Variants in PIGV observed in about 807,000 individuals in gnomAD.
The protein encoded by PIGV is phosphatidylinositol glycan anchor biosynthesis class V.
A neutral mutation model predicts 39.2 loss-of-function variants in PIGV; 27 were observed. The ratio of observed to expected loss-of-function variants is 0.69; its 90% CI spans 0.51 to 0.95. PIGV has a LOEUF of 0.95. Ranked by LOEUF, PIGV falls within the 40% of genes least tolerant of loss-of-function variation. PIGV has a pLI of 0.00. For missense variants in PIGV, 523 were observed against 586.4 expected (o/e 0.89, Z 1.12); for synonymous variants, 232 against 241.7 (o/e 0.96, Z 0.37).
chr1:26,794,970 G>T lies in PIGV; in HGVS notation c.936G>T (p.Trp312Cys), dbSNP rs1162224599. Reference protein sequence around the residue: ...LIYSYIQDVYWNVGFLKYYEL... With the variant: ...LIYSYIQDVYCNVGFLKYYEL... ...ACAGCTATATCCAGGATGTCTACTG[G>T]AATGTTGGCTTTTTGAAATACTATG... Residue 312 changes from tryptophan to cysteine, a missense_variant, in exon 3 of 4, where the codon TGG becomes TGT. By Grantham distance (215) the Trp-to-Cys change is radical. Coordinates refer to ENST00000674202, the MANE Select transcript of PIGV (RefSeq NM_017837.4). 2.5e-6 allele frequency: 4 copies of T among 1,614,050 alleles called. No individual in the cohort carries two copies. Among genetic ancestry groups the T allele is most frequent in the Middle Eastern group, 1.6e-4 (1 of 6,084 alleles).
intron 2 of PIGV, among the ~76,000 whole-genome samples, chr1:26,792,190 C>T (rs920017804): frequency 2.6e-5 from 4 of 151,944 alleles, no homozygotes; most frequent in African/African-American, 2.4e-5. Flanking sequence ...CTCGCCCTGT[C>T]CCCCCAGGCT....
In PIGV at chr1:26,800,360, G is replaced by A. The variant is rs2081435697; in HGVS notation, c.*2516G>A. On this transcript the variant is annotated 3_prime_UTR_variant, in exon 4 of 4. Coordinates refer to ENST00000674202, the MANE Select transcript of PIGV (RefSeq NM_017837.4). ...TAACAATGCCACAGCTAGGTGGGGT[G>A]TCTACAGTTTCAGAGAAAAGTCATT... 6.6e-6 allele frequency among the ~76,000 whole-genome samples: 1 copy of A among 151,602 alleles called. No individual in the cohort carries two copies. Among genetic ancestry groups the A allele is most frequent in the Non-Finnish European group, 1.5e-5 (1 of 67,960 alleles).
Position 26,794,290 on chromosome 1 carries a change from G to T in PIGV, c.256G>T (p.Ala86Ser), listed in dbSNP as rs778857841. The T allele has an allele frequency of 6.2e-7, 1 of 1,614,226 alleles. No homozygotes were observed. Among genetic ancestry groups the T allele is most frequent in the Non-Finnish European group, 8.5e-7 (1 of 1,180,044 alleles). The stretch of plus-strand genomic sequence containing the variant: ...TGGCTACCTGTATGAGCACAACTTT[G>T]CCTTCTTTCCTGGTTTCCCCTTGGC... ...EHGYLYEHNF[A>S]FFPGFPLALL... is the part of the protein sequence containing the mutation. Residue 86 changes from alanine to serine, a missense_variant, in exon 3 of 4, where the codon GCC (alanine) becomes TCC (serine). Transcript: ENST00000674202.
intron 2 of PIGV, 120 bp from the exon 3 acceptor site, chr1:26,793,993 T>C (rs1221730170): frequency 2.2e-6 from 2 of 926,828 alleles, no homozygotes; most frequent in Middle Eastern, 2.1e-4. Context: ...AATCCTCCCA[T>C]CTCAGCCTGC....
At chr1:26,795,318 C>G (rs1274060740) in intron 3 of PIGV, 84 bp downstream of exon 3, 4 of 1,456,290 alleles carry the variant, frequency 2.7e-6, no homozygotes, top group Non-Finnish European at 3.8e-6. Context: ...CTAACATCTC[C>G]CGTTTGAGTG....
At position 26,797,571 on chromosome 1, in the gene PIGV, C is replaced by G; in HGVS notation, c.1209C>G (p.Thr403=). 1 of 1,613,914 alleles carries G rather than the reference C, an allele frequency of 6.2e-7. No individual in the cohort carries two copies. The highest frequency in any genetic ancestry group is 8.5e-7 in the Non-Finnish European group (1 of 1,179,852). The change falls in exon 4 of 4, where the codon ACC becomes ACG. Residue 403 remains threonine, a synonymous_variant. Transcript: ENST00000674202. ...CCTCTCATGATTTCTAGGTTCTCACCAGGTTTTTGGGCTCCTCCACTCCTA... is the reference window on the plus strand; with the variant it reads ...CCTCTCATGATTTCTAGGTTCTCACGAGGTTTTTGGGCTCCTCCACTCCTA... ...GGLCMHVQVL[T]RFLGSSTPIM...
chr1:26,795,598 C>A (rs926185486), intron 3 of PIGV, among the ~76,000 whole-genome samples: 10 of 150,154 alleles, frequency 6.7e-5, no homozygotes, highest in African/African-American at 2.5e-4. Flanking sequence ...GTAATCCCAG[C>A]TACTCAGAAG....
chr1:26,794,995 GAGCTCA>G lies in PIGV; in HGVS notation c.965_970del (p.Leu322_Lys323del). Reference sequence around the variant, plus strand: ...GAATGTTGGCTTTTTGAAATACTATGAGCTCAAGCAGGTGCCCAATTTTCTACTGGC... The same window carrying G: ...GAATGTTGGCTTTTTGAAATACTATGAGCAGGTGCCCAATTTTCTACTGGC... On this transcript the variant is annotated inframe_deletion, in exon 3 of 4. Coordinates refer to ENST00000674202, the MANE Select transcript of PIGV (RefSeq NM_017837.4). 1.2e-6 allele frequency: 2 copies of G among 1,614,182 alleles called. No individual in the cohort carries two copies. The highest frequency in any genetic ancestry group is 1.7e-6 in the Non-Finnish European group (2 of 1,180,038).
At chr1:26,793,031 G>T (rs2081332568) in intron 2 of PIGV, among the ~76,000 whole-genome samples, 1 of 152,166 alleles carries the variant, frequency 6.6e-6, no homozygotes, top group Non-Finnish European at 1.5e-5. Context: ...GCCTACCTAT[G>T]TCTGCACCTT....
In PIGV at chr1:26,797,915, A is replaced by AC; in HGVS notation, c.*72dup. ...TCTGAAAGTAAAAATACACATTGGA[A>AC]CTGCCTCTGCTGCCCTGGGATCATT... On this transcript the variant is annotated 3_prime_UTR_variant, in exon 4 of 4. Transcript: ENST00000674202. 1.6e-6 allele frequency: 2 copies of AC among 1,276,110 alleles called. No individual in the cohort carries two copies. 79.0% of individuals were successfully genotyped at this position (1,276,110 alleles called of 1,614,324 possible). A position where few individuals can be genotyped will look rare whatever the true frequency, so the allele number is the denominator to read the frequency against.
rs2081398646 is a variant in PIGV, at chr1:26,797,460, A to T, written c.1201-103A>T. The T allele has an allele frequency of 3.3e-6, 3 of 895,856 alleles. No individual in the cohort carries two copies. In the Middle Eastern group the frequency reaches 8.2e-4, roughly 245 times the overall value. The allele number at this position is 895,856 out of a possible 1,614,324, so 55.5% of individuals were successfully genotyped here. On this transcript the variant is annotated intron_variant, in intron 3 of 3. Coordinates refer to ENST00000674202, the MANE Select transcript of PIGV (RefSeq NM_017837.4). The stretch of plus-strand genomic sequence containing the variant: ...TCCAGTGTAATACATTTCTAGTCAC[A>T]GGACCATAGTTCACCCAGCAGTAGA...
At position 26,790,871 on chromosome 1, in the gene PIGV, G is replaced by A. The variant is rs767977785; in HGVS notation, c.56G>A (p.Arg19His). The change falls in exon 2 of 4, where the codon CGT becomes CAT. Residue 19 changes from arginine to histidine, a missense_variant. Transcript: ENST00000674202. ...KEVLRFAVSC[R>H]ILTLMLQALF... ...GTGCTGAGGTTTGCAGTCAGCTGCC[G>A]TATCCTGACTCTGATGCTGCAGGTC... 24 of 1,613,810 alleles carry A rather than the reference G, an allele frequency of 1.5e-5. No individual in the cohort carries two copies. Among genetic ancestry groups the A allele is most frequent in the Non-Finnish European group, 1.7e-5 (20 of 1,179,858 alleles).
chr1:26,794,135 C>T lies in PIGV; in HGVS notation c.101C>T (p.Pro34Leu), dbSNP rs139246652. The change falls in exon 3 of 4, where the codon CCA becomes CTA. Residue 34 changes from proline to leucine, a missense_variant. Coordinates refer to ENST00000674202, the MANE Select transcript of PIGV (RefSeq NM_017837.4). Reference protein sequence around the residue: ...MLQALFNAIIPDHHAEAFSPP... With the variant: ...MLQALFNAIILDHHAEAFSPP... ...CAGGCCCTCTTCAATGCCATCATCC[C>T]AGATCACCATGCAGAAGCCTTCTCT... The T allele has an allele frequency of 1.2e-3, 1,893 of 1,614,228 alleles. 20 individuals are homozygous for T. The African/African-American group carries it at 0.016, about 14-fold the overall frequency.
rs189209879 is a variant in PIGV at position 26,797,340 on chromosome 1, T to C, written c.1201-223T>C. On this transcript the variant is annotated intron_variant, in intron 3 of 3. Transcript: ENST00000674202. Reference sequence around the variant, plus strand: ...TTATTTTAATAGTAATTAATGTAATTAGTCTGTAGCTATGTTTATTTGTAA... The same window carrying C: ...TTATTTTAATAGTAATTAATGTAATCAGTCTGTAGCTATGTTTATTTGTAA... Among the ~76,000 whole-genome samples the C allele has an allele frequency of 2.6e-5, 4 of 152,306 alleles. No homozygotes were observed. The East Asian group carries it at 5.8e-4, about 22-fold the overall frequency.
At chr1:26,789,512 G>T (rs1570634050) in intron 1 of PIGV, among the ~76,000 whole-genome samples, 2 of 152,218 alleles carry the variant, frequency 1.3e-5, no homozygotes, top group African/African-American at 2.4e-5. Flanking sequence ...GTGAACTGCT[G>T]ATGCTGTATC....
chr1:26,795,253 T>C lies in PIGV; in HGVS notation c.1200+19T>C, dbSNP rs2081366615. 1 of 1,613,044 alleles carries C rather than the reference T, an allele frequency of 6.2e-7. No individual in the cohort carries two copies. The highest frequency in any genetic ancestry group is 8.5e-7 in the Non-Finnish European group (1 of 1,180,020). ...TGTTCAGGTGAGGTGGATTCCTGAC[T>C]GGGATAAGGATGTGAATACAGGCAA... On this transcript the variant is annotated intron_variant, in intron 3 of 3. Transcript: ENST00000674202.
chr1:26,790,084 T>A (rs991712802), intron 1 of PIGV, among the ~76,000 whole-genome samples: 2 of 152,260 alleles, frequency 1.3e-5, no homozygotes, highest in Admixed American at 6.5e-5. Flanking sequence ...TCAGTTTGTT[T>A]CAGCAGTGTG....
Position 26,797,825 on chromosome 1 carries a change from A to G in PIGV, c.1463A>G (p.Asn488Ser). Residue 488 changes from asparagine (N) to serine (S), a missense_variant, in exon 4 of 4, where the codon AAC (asparagine) becomes AGC (serine). Asn to Ser is a conservative substitution (Grantham distance 46). Transcript: ENST00000674202. ...YWLLGLLLHC[N>S]FLPWT is the part of the protein sequence containing the mutation. ...CTCCTGGGACTACTCCTACATTGCA[A>G]CTTCCTGCCTTGGACATGACCTGGA... is the stretch of plus-strand genomic sequence containing the variant. 1 of 1,614,154 alleles carries G rather than the reference A, an allele frequency of 6.2e-7. No homozygotes were observed. The highest frequency in any genetic ancestry group is 1.3e-5 in the African/African-American group (1 of 75,064).
In PIGV at chr1:26,798,139, T is replaced by C; in HGVS notation, c.*295T>C. 2.3e-6 allele frequency: 1 copy of C among 434,802 alleles called. No homozygotes were observed. Among genetic ancestry groups the C allele is most frequent in the Non-Finnish European group, 4.3e-6 (1 of 233,458 alleles). The allele number at this position is 434,802 out of a possible 1,614,324, so 26.9% of individuals were successfully genotyped here. A position where few individuals can be genotyped will look rare whatever the true frequency, so the allele number is the denominator to read the frequency against. ...GTCAATCAACATAGCAGAGACAGTC[T>C]TAAACCTACCATTGACCTGTGTGTA... On this transcript the variant is annotated 3_prime_UTR_variant, in exon 4 of 4. Coordinates refer to ENST00000674202, the MANE Select transcript of PIGV (RefSeq NM_017837.4).
Sources: gnomAD v4.1 joint callset for allele counts (sites outside exome capture counted in the v4.1 genomes callset) on GRCh38, gnomAD v4.1.1 for gene constraint, MANE v1.5 for transcripts, NCBI Gene and HGNC (gene_info 2026-07-23, HGNC 2026-07-21) for gene names.